PIK3C2B: variants seen among roughly 807,000 people sequenced by gnomAD.
PIK3C2B encodes phosphatidylinositol-4-phosphate 3-kinase catalytic subunit type 2 beta.
Under a neutral mutation model 184.3 loss-of-function variants are expected in PIK3C2B, and 83 were observed. The observed-to-expected ratio is 0.45, with a 90% CI of 0.38 to 0.54. PIK3C2B has a LOEUF of 0.54. Ranked by LOEUF, PIK3C2B falls within the 20% of genes least tolerant of loss-of-function variation. PIK3C2B has a pLI of 0.00. For synonymous variants in PIK3C2B, 779 were observed against 837.6 expected (o/e 0.93, Z 1.21); for missense variants, 1,736 against 2,113.5 (o/e 0.82, Z 3.50).
chr1:204,458,882 C>T (rs767907620), intron 8 of PIK3C2B, among the ~76,000 whole-genome samples: 2 of 152,144 alleles, frequency 1.3e-5, no homozygotes. Flanking sequence ...AGAGAGCTTC[C>T]CCCGCATCAC....
chr1:204,431,893 G>A, intron 27 of PIK3C2B, 100 bp from the exon 28 acceptor site: 2 of 1,336,100 alleles, frequency 1.5e-6, no homozygotes, highest in Non-Finnish European at 2.1e-6. Context: ...TGAGGGGAGG[G>A]GCACATTCCA....
chr1:204,483,277 G>A (rs527596654), intron 1 of PIK3C2B, among the ~76,000 whole-genome samples: 1 of 152,108 alleles, frequency 6.6e-6, no homozygotes, highest in Non-Finnish European at 1.5e-5. Flanking sequence ...AATTAGCTGG[G>A]TGTGGTGGCA....
In PIK3C2B at chr1:204,431,805, C is replaced by T. The variant is rs1289975033; in HGVS notation, c.4156-12G>A. 3 of 1,614,160 alleles carry T rather than the reference C, an allele frequency of 1.9e-6. No homozygotes were observed. Among genetic ancestry groups the T allele is most frequent in the Non-Finnish European group, 2.5e-6 (3 of 1,180,020 alleles). On this transcript the variant is annotated splice_polypyrimidine_tract_variant and intron_variant, in intron 27 of 32. Transcript: ENST00000684373. ...TTTACCACATATATCTGCAAAGGTC[C>T]AGATCTTAGGGTGTACCTGCCGAGC... is the stretch of plus-strand genomic sequence containing the variant.
At chr1:204,452,950 G>A (rs1379695836) in intron 12 of PIK3C2B, among the ~76,000 whole-genome samples, 8 of 152,006 alleles carry the variant, frequency 5.3e-5, no homozygotes, top group South Asian at 2.1e-4. Context: ...GTGAGCCATC[G>A]TGCCCAGCCA....
In PIK3C2B at chr1:204,434,464, C is replaced by T; in HGVS notation, c.3661G>A (p.Ala1221Thr). ...HIDFGRFLGH[A>T]QMFGNIKRDR... Reference sequence around the variant, plus strand: ...CGCTTGATGTTGCCAAACATCTGGGCATGGCCCAGGAAGCGGCCAAAATCA... The same window carrying T: ...CGCTTGATGTTGCCAAACATCTGGGTATGGCCCAGGAAGCGGCCAAAATCA... The change falls in exon 24 of 33, where the codon GCC becomes ACC. Residue 1221 changes from alanine (A) to threonine (T), a missense_variant. Physicochemically the swap from Ala to Thr is moderately conservative, Grantham distance 58. This residue lies in a region of PIK3C2B where 119 missense variants were observed against 179.3 expected (regional missense o/e 0.66). Transcript: ENST00000684373. 1.2e-6 allele frequency: 2 copies of T among 1,614,146 alleles called. No homozygotes were observed. The highest frequency in any genetic ancestry group is 1.7e-6 in the Non-Finnish European group (2 of 1,179,964).
At chr1:204,481,212 A>C (rs1428412594) in intron 1 of PIK3C2B, among the ~76,000 whole-genome samples, 3 of 142,412 alleles carry the variant, frequency 2.1e-5, no homozygotes, top group South Asian at 2.3e-4. Flanking sequence ...TCACTCCCTC[A>C]CCAGCTCTCC....
At chr1:204,464,985 G>C (rs1484155352) in intron 3 of PIK3C2B, among the ~76,000 whole-genome samples, 2 of 152,288 alleles carry the variant, frequency 1.3e-5, no homozygotes, top group Non-Finnish European at 2.9e-5. Context: ...ACTCTAGAGT[G>C]ATCAGGATAC....
At chr1:204,492,544 C>T (rs1439474317) in intron 1 of PIK3C2B, among the ~76,000 whole-genome samples, 1 of 152,120 alleles carries the variant, frequency 6.6e-6, no homozygotes, top group East Asian at 1.9e-4. Flanking sequence ...GCACCAGGCA[C>T]AGGAGGAGTG....
chr1:204,490,356 T>C (rs1178816414), intron 1 of PIK3C2B: 1 of 157,770 alleles, frequency 6.3e-6, no homozygotes, highest in Non-Finnish European at 1.4e-5. Flanking sequence ...TTAGTCTCCT[T>C]AACCAGGGTG....
In PIK3C2B at chr1:204,455,857, T is replaced by A. The variant is rs777133617; in HGVS notation, c.1942A>T (p.Ser648Cys). 1 of 1,609,888 alleles carries A rather than the reference T, an allele frequency of 6.2e-7. No homozygotes were observed. Among genetic ancestry groups the A allele is most frequent in the South Asian group, 1.1e-5 (1 of 90,464 alleles). Residue 648 changes from serine to cysteine, a missense_variant and splice_region_variant, in exon 11 of 33, where the codon AGC becomes TGC. Transcript: ENST00000684373. ...THRIPIIWAT[S>C]YEDFYLSCSL... is the part of the protein sequence containing the mutation. ...GCGGCTACTCAGCCCTGGGCTCACC[T>A]GGTAGCCCAGATGATGGGGATGCGG...
At chr1:204,430,945 C>T (rs1041689228) in intron 28 of PIK3C2B, among the ~76,000 whole-genome samples, 5 of 152,212 alleles carry the variant, frequency 3.3e-5, no homozygotes, top group East Asian at 1.9e-4. Flanking sequence ...TGAACCACTG[C>T]GCCCGGCCTG....
chr1:204,441,327 C>T, intron 21 of PIK3C2B, 144 bp downstream of exon 21: 1 of 570,946 alleles, frequency 1.8e-6, no homozygotes, highest in South Asian at 2.3e-5. Flanking sequence ...TCATCTAAAT[C>T]CTTTTTCACC....
At chr1:204,467,154 G>A in intron 2 of PIK3C2B, 1 of 334,568 alleles carries the variant, frequency 3.0e-6, no homozygotes, top group Non-Finnish European at 5.9e-6. Context: ...AAGGGTGAGG[G>A]AGTAGGGGAG....
intron 1 of PIK3C2B, among the ~76,000 whole-genome samples, chr1:204,470,900 T>C (rs1656261795): frequency 6.6e-6 from 1 of 152,248 alleles, no homozygotes; most frequent in African/African-American, 2.4e-5. Context: ...GTACATATGA[T>C]TCCATTTATA....
At chr1:204,427,804 T>C (rs1227594189) in intron 30 of PIK3C2B, 50 bp from the exon 31 acceptor site, 2 of 1,347,264 alleles carry the variant, frequency 1.5e-6, no homozygotes, top group African/African-American at 1.4e-5. Context: ...GGCAGGTGTT[T>C]CTGTTTTCTT....
chr1:204,453,868 G>C (rs1654586141), intron 12 of PIK3C2B, among the ~76,000 whole-genome samples: 1 of 151,838 alleles, frequency 6.6e-6, no homozygotes, highest in Admixed American at 6.6e-5. Context: ...CCACCTCCCG[G>C]GTTCAAGCGA....
intron 1 of PIK3C2B, among the ~76,000 whole-genome samples, chr1:204,478,338 C>G (rs1656874286): frequency 6.6e-6 from 1 of 152,156 alleles, no homozygotes; most frequent in South Asian, 2.1e-4. Flanking sequence ...CTCCAACTGC[C>G]CCTCCCACAG....
intron 1 of PIK3C2B, among the ~76,000 whole-genome samples, chr1:204,493,084 G>A (rs1658114186): frequency 6.6e-6 from 1 of 152,168 alleles, no homozygotes; most frequent in Non-Finnish European, 1.5e-5. Flanking sequence ...GTTGGGGAGA[G>A]GGAAGTATTT....
In PIK3C2B at chr1:204,445,926, T is replaced by C. The variant is rs367726823; in HGVS notation, c.2678+30A>G. 125 of 1,446,314 alleles carry C rather than the reference T, an allele frequency of 8.6e-5. 1 individual carries two copies. The highest frequency in any genetic ancestry group is 8.0e-5 in the Non-Finnish European group (87 of 1,081,164). 89.6% of individuals were successfully genotyped at this position (1,446,314 alleles called of 1,614,324 possible). A position where few individuals can be genotyped will look rare whatever the true frequency, so the allele number is the denominator to read the frequency against. ...GTGCCCTGGCTTCTACAAGAACACA[T>C]AGTCAGAAAAGGCAGATGTTACAAC... On this transcript the variant is annotated intron_variant, in intron 16 of 32. Coordinates refer to ENST00000684373, the MANE Select transcript of PIK3C2B (RefSeq NM_001377334.1).
Sources: gnomAD v4.1 joint callset for allele counts (sites outside exome capture counted in the v4.1 genomes callset) on GRCh38, gnomAD v4.1.1 for gene constraint, gnomAD v4.1.1 regional missense constraint, MANE v1.5 for transcripts, NCBI Gene and HGNC (gene_info 2026-07-23, HGNC 2026-07-21) for gene names.